The following FNDC3B variants were observed in gnomAD, a reference collection of about 807,000 sequenced individuals.
FNDC3B encodes fibronectin type III domain-containing protein 3B.
Under a neutral mutation model 151.5 loss-of-function variants are expected in FNDC3B, and 12 were observed. The observed-to-expected ratio is 0.08, with a 90% CI of 0.05 to 0.13. The LOEUF is 0.13. FNDC3B is among the 10% of genes least tolerant of loss of function. FNDC3B has a pLI of 1.00. For missense variants in FNDC3B, 1,214 were observed against 1,505.3 expected, an observed-to-expected ratio of 0.81 and a Z score of 3.20; for synonymous variants, 528 against 549.0, an observed-to-expected ratio of 0.96 and a Z score of 0.54.
chr3:172,145,309 A>T (rs1390229498), intron 3 of FNDC3B, among the ~76,000 whole-genome samples: 1 of 152,230 alleles, frequency 6.6e-6, no homozygotes, highest in Non-Finnish European at 1.5e-5. Context: ...GGGAGTAAAA[A>T]AAAGAGTGGA....
In FNDC3B at chr3:172,362,714, C is replaced by G; in HGVS notation, c.2877C>G (p.Pro959=). ...AAGCAAAAACTCGGCCATTACCACC[C>G]TTGCCTCCTAGGCTAGAATGTGCTG... ...FIKAKTRPLP[P]LPPRLECAAA... is the part of the protein sequence containing the mutation. The change falls in exon 23 of 26, where the codon CCC becomes CCG. Residue 959 remains proline (P), a synonymous_variant. Coordinates refer to ENST00000415807, the MANE Select transcript of FNDC3B (RefSeq NM_022763.4). 1.2e-6 allele frequency: 2 copies of G among 1,614,072 alleles called. No homozygotes were observed. The highest frequency in any genetic ancestry group is 1.7e-6 in the Non-Finnish European group (2 of 1,179,982).
chr3:172,400,924 A>ATTT lies in FNDC3B; in HGVS notation c.*3463_*3465dup, dbSNP rs3057949. 1.7e-3 allele frequency: 191 copies of ATTT among 115,684 alleles called. 8 individuals are homozygous for ATTT. The highest frequency in any genetic ancestry group is 3.7e-3 in the East Asian group (15 of 4,062). 7.2% of individuals were successfully genotyped at this position (115,684 alleles called of 1,614,324 possible). On this transcript the variant is annotated 3_prime_UTR_variant, in exon 26 of 26. Coordinates refer to ENST00000415807, the MANE Select transcript of FNDC3B (RefSeq NM_022763.4). The stretch of plus-strand genomic sequence containing the variant: ...AGGCACTCGCCACCATGCCCGGATA[A>ATTT]TTTTTTTTTTTTTTTTGAGTTGGAG...
intron 1 of FNDC3B, among the ~76,000 whole-genome samples, chr3:172,067,896 A>G (rs1479668028): frequency 6.6e-6 from 1 of 152,150 alleles, no homozygotes; most frequent in Non-Finnish European, 1.5e-5. Context: ...CTGGGAATTA[A>G]TGGTAGAATA....
intron 21 of FNDC3B, among the ~76,000 whole-genome samples, chr3:172,349,952 G>A (rs547268744): frequency 1.3e-5 from 2 of 152,094 alleles, no homozygotes; most frequent in African/African-American, 2.4e-5. Flanking sequence ...CACCGTGCCC[G>A]GCCACCAGTG....
intron 6 of FNDC3B, among the ~76,000 whole-genome samples, chr3:172,256,651 A>G (rs1458075662): frequency 6.6e-6 from 1 of 152,240 alleles, no homozygotes; most frequent in African/African-American, 2.4e-5. Context: ...TAAGGAAGTT[A>G]TTGAGTGGGA....
chr3:172,162,350 C>T lies in FNDC3B; in HGVS notation c.187+28804C>T, dbSNP rs73023536. ...ATTTTTTTATTGCCAGATAATATTC[C>T]AGCATATGGATGTATCACACTGTAT... On this transcript the variant is annotated intron_variant, in intron 3 of 25. Coordinates refer to ENST00000415807, the MANE Select transcript of FNDC3B (RefSeq NM_022763.4). Among the ~76,000 whole-genome samples the T allele has an allele frequency of 2.6e-3, 395 of 152,252 alleles. 2 individuals carry two copies. The highest frequency in any genetic ancestry group is 9.2e-3 in the African/African-American group (383 of 41,548).
intron 2 of FNDC3B, among the ~76,000 whole-genome samples, chr3:172,119,488 T>C (rs538985528): frequency 6.6e-6 from 1 of 151,474 alleles, no homozygotes; most frequent in East Asian, 1.9e-4. Context: ...GAATTGAGGA[T>C]TGGGATAAGT....
chr3:172,117,525 A>G (rs1208070592), intron 2 of FNDC3B, among the ~76,000 whole-genome samples: 1 of 152,262 alleles, frequency 6.6e-6, no homozygotes, highest in Non-Finnish European at 1.5e-5. Flanking sequence ...CTGAAGAATT[A>G]TAGCAGCTAC....
intron 8 of FNDC3B, among the ~76,000 whole-genome samples, chr3:172,298,175 C>A (rs555207878): frequency 6.6e-6 from 1 of 152,262 alleles, no homozygotes; most frequent in South Asian, 2.1e-4. Flanking sequence ...ATAGAACATT[C>A]CTTATTTTGG....
chr3:172,069,194 T>G (rs947933248), intron 1 of FNDC3B, among the ~76,000 whole-genome samples: 2 of 152,224 alleles, frequency 1.3e-5, no homozygotes, highest in Non-Finnish European at 2.9e-5. Flanking sequence ...TCCAGTCAAT[T>G]TAGCAGGTCA....
chr3:172,329,273 G>T, intron 12 of FNDC3B, 197 bp downstream of exon 12: 1 of 566,430 alleles, frequency 1.8e-6, no homozygotes, highest in Non-Finnish European at 3.0e-6. Context: ...CTGCAGTCTT[G>T]CAAGCTGTAT....
Position 172,310,856 on chromosome 3 carries a change from C to G in FNDC3B, c.1229C>G (p.Thr410Ser). Residue 410 changes from threonine to serine, a missense_variant, in exon 11 of 26, where the codon ACC (threonine) becomes AGC (serine). Thr to Ser is a moderately conservative substitution (Grantham distance 58, BLOSUM62 1). Coordinates refer to ENST00000415807, the MANE Select transcript of FNDC3B (RefSeq NM_022763.4). ...KAPIDNGSKITNYLLEWDEGK... is the reference protein window; with the variant it reads ...KAPIDNGSKISNYLLEWDEGK... ...CCAATTGACAACGGTTCAAAAATCA[C>G]CAACTACCTTTTAGAGTGGGATGAG... 6.2e-7 allele frequency: 1 copy of G among 1,612,376 alleles called. No homozygotes were observed. The highest frequency in any genetic ancestry group is 8.5e-7 in the Non-Finnish European group (1 of 1,178,402).
intron 1 of FNDC3B, among the ~76,000 whole-genome samples, chr3:172,051,091 T>C (rs1716628208): frequency 6.6e-6 from 1 of 151,466 alleles, no homozygotes; most frequent in South Asian, 2.1e-4. Flanking sequence ...TTCTTTTTTT[T>C]TTTTTTTTGG....
chr3:172,372,503 T>C (rs1463200319), intron 23 of FNDC3B, among the ~76,000 whole-genome samples: 1 of 152,368 alleles, frequency 6.6e-6, no homozygotes, highest in Admixed American at 6.5e-5. Context: ...TCAGCAAGCG[T>C]GCTCATGTCA....
At chr3:172,349,827 T>A (rs941293400) in intron 21 of FNDC3B, among the ~76,000 whole-genome samples, 9 of 152,036 alleles carry the variant, frequency 5.9e-5, no homozygotes, top group Non-Finnish European at 1.0e-4. Flanking sequence ...GACTAATTTT[T>A]GTATTTTTAG....
intron 1 of FNDC3B, among the ~76,000 whole-genome samples, chr3:172,061,181 C>A (rs974629612): frequency 6.6e-6 from 1 of 151,854 alleles, no homozygotes; most frequent in African/African-American, 2.4e-5. Context: ...TTATTCTAAA[C>A]TCATGAAGTG....
At chr3:172,263,674 A>G (rs1700476413) in intron 6 of FNDC3B, among the ~76,000 whole-genome samples, 1 of 144,822 alleles carries the variant, frequency 6.9e-6, no homozygotes, top group South Asian at 2.3e-4. Flanking sequence ...AGATGGCTCC[A>G]ATGTACTTGT....
chr3:172,091,759 C>CAT (rs1219594709), intron 1 of FNDC3B, among the ~76,000 whole-genome samples: 1 of 152,120 alleles, frequency 6.6e-6, no homozygotes, highest in Non-Finnish European at 1.5e-5. Context: ...TCTTAACACA[C>CAT]ATTTTCATGT....
At chr3:172,117,389 T>G (rs1397593578) in intron 2 of FNDC3B, among the ~76,000 whole-genome samples, 2 of 152,234 alleles carry the variant, frequency 1.3e-5, no homozygotes, top group Non-Finnish European at 2.9e-5. Context: ...GTATATTAAC[T>G]TACCTGTGTT....
Sources: gnomAD v4.1 joint callset for allele counts (sites outside exome capture counted in the v4.1 genomes callset) on GRCh38, gnomAD v4.1.1 for gene constraint, MANE v1.5 for transcripts, NCBI Gene and HGNC (gene_info 2026-07-23, HGNC 2026-07-21) for gene names.